Variants in DOCK7 observed in about 807,000 individuals in gnomAD.
The protein encoded by DOCK7 is dedicator of cytokinesis protein 7.
In DOCK7, 138 loss-of-function variants were observed where a neutral mutation model predicts 271.0. The ratio of observed to expected loss-of-function variants is 0.51; its 90% CI spans 0.44 to 0.59. DOCK7 has a LOEUF of 0.59. DOCK7 is among the 20% of genes least tolerant of loss of function. The pLI, the probability that DOCK7 is intolerant of heterozygous loss-of-function variation, is 0.00. For missense variants in DOCK7, 2,066 were observed against 2,592.4 expected (o/e 0.80, Z 4.41); for synonymous variants, 823 against 876.1 (o/e 0.94, Z 1.07).
chr1:62,552,700 A>C (rs1259338263), intron 22 of DOCK7, 32 bp downstream of exon 22: 4 of 1,553,474 alleles, frequency 2.6e-6, no homozygotes, highest in Non-Finnish European at 3.5e-6. Context: ...CAAAACAAAA[A>C]CCAAATTTAC....
At chr1:62,687,145 A>G (rs1011831385) in intron 1 of DOCK7, among the ~76,000 whole-genome samples, 2 of 152,204 alleles carry the variant, frequency 1.3e-5, no homozygotes, top group African/African-American at 4.8e-5. Context: ...AACTGCCCCA[A>G]AACAAAAAAA....
At chr1:62,569,698 A>AC (rs1646702203) in intron 18 of DOCK7, among the ~76,000 whole-genome samples, 1 of 140,768 alleles carries the variant, frequency 7.1e-6, no homozygotes, top group Non-Finnish European at 1.5e-5. Flanking sequence ...GCCCTCTCTC[A>AC]CCACTCTCCC....
At chr1:62,685,719 C>G (rs1284893784) in intron 1 of DOCK7, among the ~76,000 whole-genome samples, 1 of 152,150 alleles carries the variant, frequency 6.6e-6, no homozygotes, top group Admixed American at 6.5e-5. Context: ...ATCCCACTTG[C>G]ATCTCCCAAT....
At chr1:62,642,418 T>C (rs930384402) in intron 7 of DOCK7, among the ~76,000 whole-genome samples, 3 of 152,228 alleles carry the variant, frequency 2.0e-5, no homozygotes, top group African/African-American at 7.2e-5. Flanking sequence ...CTACTTTTTC[T>C]AAGTGTTTTT....
At chr1:62,556,287 CA>C (rs1297993101) in intron 20 of DOCK7, among the ~76,000 whole-genome samples, 31 of 151,566 alleles carry the variant, frequency 2.0e-4, no homozygotes, top group African/African-American at 7.3e-4. Flanking sequence ...TAAAACAATA[CA>C]AAGTACATAA....
chr1:62,498,757 T>C (rs1441342600), intron 37 of DOCK7, among the ~76,000 whole-genome samples: 1 of 152,076 alleles, frequency 6.6e-6, no homozygotes, highest in African/African-American at 2.4e-5. Flanking sequence ...ATACTGCATC[T>C]GTTGAATAAA....
chr1:62,612,721 A>C lies in DOCK7; in HGVS notation c.1682+5985T>G, dbSNP rs574690987. 5.9e-5 allele frequency among the ~76,000 whole-genome samples: 9 copies of C among 152,320 alleles called. No homozygotes were observed. The East Asian group carries it at 1.7e-3, about 29-fold the overall frequency. On this transcript the variant is annotated intron_variant, in intron 14 of 49. Transcript: ENST00000635253. ...AAAATTTATTAAGAGATGTATGGGC[A>C]TATTCCTAACAGACCAAAATCCTTT...
chr1:62,549,763 C>T (rs1645833211), intron 22 of DOCK7, among the ~76,000 whole-genome samples: 1 of 152,152 alleles, frequency 6.6e-6, no homozygotes, highest in East Asian at 1.9e-4. Flanking sequence ...AGATCTTATG[C>T]ACTCTTTCTA....
Position 62,552,945 on chromosome 1 carries a change from C to T in DOCK7, c.2597-44G>A, listed in dbSNP as rs745796186. ...TAGCACATAATTAAAGAAAATTAGT[C>T]AGGAAAGGATCTGAAAAAAAATCTC... is the stretch of plus-strand genomic sequence containing the variant. On this transcript the variant is annotated intron_variant, in intron 21 of 49. Coordinates refer to ENST00000635253, the MANE Select transcript of DOCK7 (RefSeq NM_001367561.1). 6.5e-6 allele frequency: 9 copies of T among 1,374,590 alleles called. No individual in the cohort carries two copies. The East Asian group carries it at 2.4e-4, about 37-fold the overall frequency. The allele number at this position is 1,374,590 out of a possible 1,614,324, so 85.1% of individuals were successfully genotyped here. A position where few individuals can be genotyped will look rare whatever the true frequency, so the allele number is the denominator to read the frequency against.
rs1488043171 is a variant in DOCK7, at chr1:62,479,029, G to GT, written c.5509-1205dup. On this transcript the variant is annotated intron_variant, in intron 43 of 49. Coordinates refer to ENST00000635253, the MANE Select transcript of DOCK7 (RefSeq NM_001367561.1). ...GCCTCCTGAGTAGCTGGGATTACAGGTGTGTGCCACCTTGCTCAGCTAATT... is the reference window on the plus strand; with the variant it reads ...GCCTCCTGAGTAGCTGGGATTACAGGTTGTGTGCCACCTTGCTCAGCTAATT... 3 of 152,056 alleles carry GT rather than the reference G, an allele frequency of 2.0e-5. No individual in the cohort carries two copies. The East Asian group carries it at 5.8e-4, about 29-fold the overall frequency. The allele number at this position is 152,056 out of a possible 1,614,324, so 9.4% of individuals were successfully genotyped here. A position where few individuals can be genotyped will look rare whatever the true frequency, so the allele number is the denominator to read the frequency against.
intron 22 of DOCK7, among the ~76,000 whole-genome samples, chr1:62,548,191 C>A (rs1645774801): frequency 6.7e-6 from 1 of 149,212 alleles, no homozygotes. Context: ...TCATATGCTA[C>A]ATTAAAAGGT....
intron 14 of DOCK7, among the ~76,000 whole-genome samples, chr1:62,598,473 T>C (rs1476658387): frequency 6.6e-6 from 1 of 152,050 alleles, no homozygotes; most frequent in South Asian, 2.1e-4. Flanking sequence ...TTTCTTTTAA[T>C]TGAAGTTCAG....
chr1:62,519,089 T>C lies in DOCK7; in HGVS notation c.3937-5191A>G, dbSNP rs145067068. ...ACTTTAAAAAGCATCATAGTTCATG[T>C]AGATGAAAGTGCAATCCACCAAAAA... On this transcript the variant is annotated intron_variant, in intron 31 of 49. Coordinates refer to ENST00000635253, the MANE Select transcript of DOCK7 (RefSeq NM_001367561.1). Among the ~76,000 whole-genome samples, 810 of 152,046 alleles carry C rather than the reference T, an allele frequency of 5.3e-3. 12 individuals carry two copies. The highest frequency in any genetic ancestry group is 0.018 in the African/African-American group (763 of 41,442).
At chr1:62,658,769 G>A (rs1658322126) in intron 2 of DOCK7, among the ~76,000 whole-genome samples, 1 of 151,584 alleles carries the variant, frequency 6.6e-6, no homozygotes, top group Non-Finnish European at 1.5e-5. Context: ...GGGAAACATG[G>A]CAAAACCTCA....
At chr1:62,582,411 G>A (rs962541386) in intron 16 of DOCK7, among the ~76,000 whole-genome samples, 4 of 149,404 alleles carry the variant, frequency 2.7e-5, no homozygotes, top group Middle Eastern at 3.4e-3. Flanking sequence ...TTAGCCGGGC[G>A]TAGTGGCGGG....
chr1:62,673,024 C>A (rs1438070916), intron 1 of DOCK7, among the ~76,000 whole-genome samples: 2 of 152,116 alleles, frequency 1.3e-5, no homozygotes, highest in Non-Finnish European at 2.9e-5. Context: ...TCCTATCCTT[C>A]ATGTATGGCT....
chr1:62,648,224 G>GCAT lies in DOCK7; in HGVS notation c.611_613dup (p.Asp204dup). 6.2e-7 allele frequency: 1 copy of GCAT among 1,613,640 alleles called. No homozygotes were observed. ...TCGATCAAGTAAATTGGGAAGCAAAGCATCAGGAAGTGAATTTTTCAAGTC... is the reference window on the plus strand; with the variant it reads ...TCGATCAAGTAAATTGGGAAGCAAAGCATCATCAGGAAGTGAATTTTTCAAGTC... On this transcript the variant is annotated inframe_insertion, in exon 6 of 50. Transcript: ENST00000635253.
Position 62,688,271 on chromosome 1 carries a change from TGCGGCG to T in DOCK7, c.-13_-8del. On this transcript the variant is annotated 5_prime_UTR_variant, in exon 1 of 50. Coordinates refer to ENST00000635253, the MANE Select transcript of DOCK7 (RefSeq NM_001367561.1). Reference sequence around the variant, plus strand: ...AGGCGCGGCGCTCGGCCATGGCTGCTGCGGCGACGGCGACGGCGGCGGCGGCTGCGG... The same window carrying T: ...AGGCGCGGCGCTCGGCCATGGCTGCTACGGCGACGGCGGCGGCGGCTGCGG... 1 of 1,304,806 alleles carries T rather than the reference TGCGGCG, an allele frequency of 7.7e-7. No homozygotes were observed. The highest frequency in any genetic ancestry group is 2.3e-4 in the Middle Eastern group (1 of 4,264). The allele number at this position is 1,304,806 out of a possible 1,614,324, so 80.8% of individuals were successfully genotyped here. A position where few individuals can be genotyped will look rare whatever the true frequency, so the allele number is the denominator to read the frequency against.
chr1:62,487,415 G>A lies in DOCK7; in HGVS notation c.5494-3C>T. On this transcript the variant is annotated splice_polypyrimidine_tract_variant and splice_region_variant and intron_variant, in intron 42 of 49. Coordinates refer to ENST00000635253, the MANE Select transcript of DOCK7 (RefSeq NM_001367561.1). ...TTACCTACCTCCCAGCCAGTACTCTGTATAATAAAAAGTAAAAAAGGGCAA... is the reference window on the plus strand; with the variant it reads ...TTACCTACCTCCCAGCCAGTACTCTATATAATAAAAAGTAAAAAAGGGCAA... 2 of 1,610,528 alleles carry A rather than the reference G, an allele frequency of 1.2e-6. No homozygotes were observed. Among genetic ancestry groups the A allele is most frequent in the Non-Finnish European group, 1.7e-6 (2 of 1,177,648 alleles).
Sources: gnomAD v4.1 joint callset for allele counts (sites outside exome capture counted in the v4.1 genomes callset) on GRCh38, gnomAD v4.1.1 for gene constraint, MANE v1.5 for transcripts, NCBI Gene and HGNC (gene_info 2026-07-23, HGNC 2026-07-21) for gene names.